The following LINGO2 variants were observed in gnomAD, a reference collection of about 807,000 sequenced individuals.
The protein encoded by LINGO2 is leucine-rich repeat and immunoglobulin-like domain-containing nogo receptor-interacting protein 2.
A neutral mutation model predicts 30.6 loss-of-function variants in LINGO2; 14 were observed. That is an observed-to-expected ratio of 0.46 (90% CI 0.30 to 0.72). The LOEUF (loss-of-function observed/expected upper bound fraction) is 0.72. LINGO2 is among the 30% of genes least tolerant of loss of function. The pLI is 0.07. For missense variants in LINGO2, 729 were observed against 751.7 expected (o/e 0.97, Z 0.35); for synonymous variants, 317 against 288.5 (o/e 1.10, Z -1.00).
intron 4 of LINGO2, among the ~76,000 whole-genome samples, chr9:28,146,177 C>T (rs1827807686): frequency 1.3e-5 from 2 of 152,320 alleles, no homozygotes; most frequent in Middle Eastern, 3.4e-3. Flanking sequence ...AATCAGCCCC[C>T]TTCAGATGTA....
At position 28,199,344 on chromosome 9, in the gene LINGO2, C is replaced by CTT. The variant is rs757957924; in HGVS notation, c.-87+95862_-87+95863dup. Among the ~76,000 whole-genome samples, 611 of 117,668 alleles carry CTT rather than the reference C, an allele frequency of 5.2e-3. 28 individuals carry two copies. The highest frequency in any genetic ancestry group is 0.021 in the South Asian group (84 of 3,922). The allele number at this position is 117,668 out of a possible 152,430, so 77.2% of individuals were successfully genotyped here. Reference sequence around the variant, plus strand: ...CTATCTTCTTCTTCTTCTTCTTCTTCTTTTTTTTTTTTTGAGACGGAGTCT... The same window carrying CTT: ...CTATCTTCTTCTTCTTCTTCTTCTTCTTTTTTTTTTTTTTTGAGACGGAGTCT... On this transcript the variant is annotated intron_variant, in intron 4 of 5. Coordinates refer to ENST00000379992, the Ensembl canonical transcript of LINGO2.
intron 4 of LINGO2, among the ~76,000 whole-genome samples, chr9:28,242,974 C>T (rs1449467631): frequency 6.6e-6 from 1 of 152,064 alleles, no homozygotes; most frequent in Admixed American, 6.6e-5. Context: ...CTGAAGAAAG[C>T]ACTAAGTATG....
chr9:28,497,611 C>G (rs1251855796), intron 1 of LINGO2, among the ~76,000 whole-genome samples: 1 of 152,158 alleles, frequency 6.6e-6, no homozygotes, highest in Non-Finnish European at 1.5e-5. Context: ...CGAACTTCCT[C>G]CTTTAGCTTG....
At chr9:28,857,692 T>C in the LINGO2 span, among the ~76,000 whole-genome samples, 1 of 152,038 alleles carries the variant, frequency 6.6e-6, no homozygotes, top group Admixed American at 6.6e-5. Flanking sequence ...TCATATGAAA[T>C]ATGGTTAGTC....
intron 1 of LINGO2, among the ~76,000 whole-genome samples, chr9:28,542,114 C>A (rs933502664): frequency 6.6e-6 from 1 of 152,040 alleles, no homozygotes; most frequent in Non-Finnish European, 1.5e-5. Flanking sequence ...ATTGTGATGC[C>A]AATCAACAAA....
At chr9:28,443,275 A>C (rs547227178) in intron 2 of LINGO2, among the ~76,000 whole-genome samples, 28 of 152,228 alleles carry the variant, frequency 1.8e-4, no homozygotes, top group Non-Finnish European at 3.7e-4. Flanking sequence ...GGATAATGTC[A>C]TTTAAACTTA....
the LINGO2 span, among the ~76,000 whole-genome samples, chr9:29,182,745 G>A: frequency 1.3e-5 from 2 of 150,446 alleles, no homozygotes; most frequent in African/African-American, 2.5e-5. Flanking sequence ...TCTGTGACTC[G>A]CTCATCGATA....
At chr9:28,745,854 A>G in the LINGO2 span, among the ~76,000 whole-genome samples, 1 of 152,048 alleles carries the variant, frequency 6.6e-6, no homozygotes, top group African/African-American at 2.4e-5. Context: ...TCATAGCGGT[A>G]TCACTTATAG....
chr9:28,306,066 A>G (rs1280562296), intron 3 of LINGO2, among the ~76,000 whole-genome samples: 1 of 152,104 alleles, frequency 6.6e-6, no homozygotes, highest in Non-Finnish European at 1.5e-5. Flanking sequence ...GGATCAATTT[A>G]TGAATTATTT....
intron 4 of LINGO2, among the ~76,000 whole-genome samples, chr9:28,292,458 C>A (rs972599128): frequency 6.6e-6 from 1 of 151,962 alleles, no homozygotes; most frequent in African/African-American, 2.4e-5. Flanking sequence ...ATTATTTTAT[C>A]TTTATTTTTT....
intron 1 of LINGO2, among the ~76,000 whole-genome samples, chr9:28,490,837 C>T (rs888447117): frequency 2.0e-5 from 3 of 152,030 alleles, no homozygotes; most frequent in Non-Finnish European, 4.4e-5. Flanking sequence ...AATTTATCAT[C>T]CAATAATTTC....
the LINGO2 span, among the ~76,000 whole-genome samples, chr9:28,746,593 T>G: frequency 3.3e-5 from 5 of 152,076 alleles, no homozygotes; most frequent in African/African-American, 1.2e-4. Context: ...CAAGGCCATA[T>G]AATTGAGGTT....
chr9:28,376,566 C>T (rs78956423), intron 2 of LINGO2, among the ~76,000 whole-genome samples: 4 of 152,284 alleles, frequency 2.6e-5, no homozygotes, highest in African/African-American at 9.6e-5. Context: ...CCACCTTCCA[C>T]CCGAGGGAAC....
At chr9:28,120,420 C>T (rs910640790) in intron 4 of LINGO2, among the ~76,000 whole-genome samples, 1 of 152,098 alleles carries the variant, frequency 6.6e-6, no homozygotes, top group South Asian at 2.1e-4. Flanking sequence ...TTTATTGTTG[C>T]CAGGGAAACT....
chr9:28,135,686 C>T (rs928455894), intron 4 of LINGO2, among the ~76,000 whole-genome samples: 1 of 152,032 alleles, frequency 6.6e-6, no homozygotes, highest in Non-Finnish European at 1.5e-5. Context: ...CACTCAGCCA[C>T]GTTAATCTTT....
intron 1 of LINGO2, among the ~76,000 whole-genome samples, chr9:28,563,349 C>T (rs192244281): frequency 1.3e-5 from 2 of 152,042 alleles, no homozygotes; most frequent in Non-Finnish European, 2.9e-5. Flanking sequence ...TCAATTGTAA[C>T]GACAAATCTA....
intron 4 of LINGO2, among the ~76,000 whole-genome samples, chr9:28,217,908 A>G (rs1039159760): frequency 1.1e-4 from 16 of 152,062 alleles, no homozygotes; most frequent in African/African-American, 3.6e-4. Context: ...GGTTTGAAAA[A>G]CTAGAATAAT....
intron 4 of LINGO2, among the ~76,000 whole-genome samples, chr9:28,151,541 T>G (rs1587093188): frequency 6.6e-6 from 1 of 151,934 alleles, no homozygotes; most frequent in East Asian, 1.9e-4. Context: ...AGATTATCTT[T>G]TATCACCAGT....
the LINGO2 span, among the ~76,000 whole-genome samples, chr9:28,772,148 T>C: frequency 6.6e-6 from 1 of 152,216 alleles, no homozygotes; most frequent in Non-Finnish European, 1.5e-5. Flanking sequence ...GGAATCCCTG[T>C]AGCGCATTTG....
Sources: allele counts gnomAD v4.1 joint callset (sites outside exome capture counted in the v4.1 genomes callset), GRCh38; gene constraint gnomAD v4.1.1; transcripts MANE v1.5; gene names NCBI Gene and HGNC (gene_info 2026-07-23, HGNC 2026-07-21).